NRXN1: variants seen among roughly 807,000 people sequenced by gnomAD.
NRXN1 encodes the protein neurexin 1, also known as neurexin-1.
Under a neutral mutation model 150.9 loss-of-function variants are expected in NRXN1, and 39 were observed. The observed-to-expected ratio is 0.26, with a 90% CI of 0.20 to 0.34. NRXN1 has a LOEUF of 0.34. NRXN1 is among the 10% of genes least tolerant of loss of function. The pLI is 1.00. For synonymous variants in NRXN1, 924 were observed against 757.0 expected, an observed-to-expected ratio of 1.22 and a Z score of -3.62; for missense variants, 1,815 against 1,949.9, an observed-to-expected ratio of 0.93 and a Z score of 1.30.
At chr2:50,471,815 T>C (rs897914783) in intron 16 of NRXN1, among the ~76,000 whole-genome samples, 1 of 151,710 alleles carries the variant, frequency 6.6e-6, no homozygotes, top group Non-Finnish European at 1.5e-5. Flanking sequence ...AAATCATCTG[T>C]ACAAAAAACC....
At chr2:50,926,016 CTGGACCTTGCCT>C in intron 2 of NRXN1, 61 bp from the exon 3 acceptor site, 2 of 1,378,134 alleles carry the variant, frequency 1.5e-6, no homozygotes, top group South Asian at 2.5e-5. Flanking sequence ...AGCATGCAGA[CTGGACCTTGCCT>C]TTGCATGTCT....
chr2:50,789,292 C>A (rs891735449), intron 5 of NRXN1, among the ~76,000 whole-genome samples: 15 of 152,136 alleles, frequency 9.9e-5, no homozygotes, highest in African/African-American at 3.6e-4. Flanking sequence ...AATGCTCAAA[C>A]GGCTTCCTTC....
intron 5 of NRXN1, among the ~76,000 whole-genome samples, chr2:50,853,514 T>C (rs927259782): frequency 2.6e-5 from 4 of 152,138 alleles, no homozygotes; most frequent in African/African-American, 9.6e-5. Flanking sequence ...AAATTATTTG[T>C]CAGATGTCTT....
At chr2:50,898,426 T>C (rs1682359825) in intron 5 of NRXN1, among the ~76,000 whole-genome samples, 1 of 152,198 alleles carries the variant, frequency 6.6e-6, no homozygotes, top group African/African-American at 2.4e-5. Context: ...ATGTCTAACA[T>C]GTCTAATCTT....
chr2:51,026,845 C>A (rs560911861), intron 2 of NRXN1, among the ~76,000 whole-genome samples: 8 of 152,292 alleles, frequency 5.3e-5, no homozygotes, highest in Non-Finnish European at 1.0e-4. Context: ...ACAGTGGAAA[C>A]CAACATTATT....
chr2:50,359,566 T>C (rs901097799), intron 17 of NRXN1, among the ~76,000 whole-genome samples: 2 of 151,338 alleles, frequency 1.3e-5, no homozygotes, highest in South Asian at 2.1e-4. Context: ...GAAAAAAGAA[T>C]GAAAAGGAAC....
At chr2:50,960,823 C>T (rs1258833265) in intron 2 of NRXN1, among the ~76,000 whole-genome samples, 4 of 151,818 alleles carry the variant, frequency 2.6e-5, no homozygotes, top group Admixed American at 1.3e-4. Context: ...AAAAAGCAAA[C>T]ATACATCAAA....
chr2:50,237,429 A>G (rs1349111888), intron 17 of NRXN1, among the ~76,000 whole-genome samples: 1 of 152,050 alleles, frequency 6.6e-6, no homozygotes, highest in African/African-American at 2.4e-5. Context: ...CAAATGTGCT[A>G]GGAATGTAAC....
At chr2:50,785,203 C>T (rs1290770292) in intron 5 of NRXN1, among the ~76,000 whole-genome samples, 1 of 150,326 alleles carries the variant, frequency 6.7e-6, no homozygotes, top group Admixed American at 6.7e-5. Flanking sequence ...GCTGGTACCT[C>T]GATCGTGGAT....
In NRXN1 at chr2:50,106,141, ATAATT is replaced by A. The variant is rs569037150; in HGVS notation, c.3547-14652_3547-14648del. Among the ~76,000 whole-genome samples the A allele has an allele frequency of 1.9e-4, 29 of 152,094 alleles. No homozygotes were observed. The South Asian group carries it at 5.2e-3, about 27-fold the overall frequency. ...CATGTATATTTCAAGTTTTCTACTTATAATTTGTAATTATTTAAATTGTTTTATTT... is the reference window on the plus strand; with the variant it reads ...CATGTATATTTCAAGTTTTCTACTTATGTAATTATTTAAATTGTTTTATTT... On this transcript the variant is annotated intron_variant, in intron 18 of 22. Coordinates refer to ENST00000401669, the MANE Select transcript of NRXN1 (RefSeq NM_001330078.2).
chr2:50,439,650 A>T (rs999700840), intron 17 of NRXN1, among the ~76,000 whole-genome samples: 6 of 151,926 alleles, frequency 3.9e-5, no homozygotes, highest in Admixed American at 3.3e-4. Context: ...ACTAAAAAAA[A>T]AATAAAAATA....
At chr2:49,974,269 C>A in intron 21 of NRXN1, 2 of 600,182 alleles carry the variant, frequency 3.3e-6, no homozygotes, top group South Asian at 1.7e-5. Context: ...AGGGATGCTG[C>A]AGTTCCGTCT....
At chr2:50,375,634 A>T (rs2153024012) in intron 17 of NRXN1, among the ~76,000 whole-genome samples, 1 of 151,346 alleles carries the variant, frequency 6.6e-6, no homozygotes, top group East Asian at 2.0e-4. Context: ...GCTTGCTTAT[A>T]GAAAATGTAG....
chr2:50,566,353 C>T (rs1378585875), intron 8 of NRXN1, among the ~76,000 whole-genome samples: 1 of 151,968 alleles, frequency 6.6e-6, no homozygotes, highest in Non-Finnish European at 1.5e-5. Context: ...AAGAGATTCT[C>T]ATGCCTCAGC....
Position 50,687,700 on chromosome 2 carries a change from AAATTT to A in NRXN1, c.833-64090_833-64086del, listed in dbSNP as rs369545303. ...TATTTTGAATATGCAGAGGCTTTTT[AAATTT>A]AATTTTAGATTGGGCAACCGCGTTA... On this transcript the variant is annotated intron_variant, in intron 5 of 22. Coordinates refer to ENST00000401669, the MANE Select transcript of NRXN1 (RefSeq NM_001330078.2). Among the ~76,000 whole-genome samples the A allele has an allele frequency of 1.1e-3, 164 of 152,348 alleles. 2 individuals are homozygous for A. The highest frequency in any genetic ancestry group is 3.8e-3 in the African/African-American group (158 of 41,588).
chr2:50,319,726 A>C (rs1170278129), intron 17 of NRXN1, among the ~76,000 whole-genome samples: 1 of 152,078 alleles, frequency 6.6e-6, no homozygotes, highest in African/African-American at 2.4e-5. Context: ...GTGGCACCGT[A>C]GCACCTCAAA....
At chr2:49,992,696 A>C (rs1192750785) in intron 21 of NRXN1, among the ~76,000 whole-genome samples, 3 of 152,202 alleles carry the variant, frequency 2.0e-5, no homozygotes, top group African/African-American at 7.2e-5. Context: ...CTGTGATCCA[A>C]AATATACAAA....
intron 2 of NRXN1, among the ~76,000 whole-genome samples, chr2:50,983,104 T>C (rs1697107011): frequency 6.6e-6 from 1 of 152,104 alleles, no homozygotes; most frequent in African/African-American, 2.4e-5. Flanking sequence ...ACATTAGAAG[T>C]TCACATTTCC....
chr2:49,992,483 G>A (rs1682166315), intron 21 of NRXN1, among the ~76,000 whole-genome samples: 1 of 152,090 alleles, frequency 6.6e-6, no homozygotes, highest in Non-Finnish European at 1.5e-5. Flanking sequence ...GGGAGGCTGA[G>A]GCAGGGAAAT....
Sources: allele counts gnomAD v4.1 joint callset (sites outside exome capture counted in the v4.1 genomes callset), GRCh38; gene constraint gnomAD v4.1.1; transcripts MANE v1.5; gene names NCBI Gene and HGNC (gene_info 2026-07-23, HGNC 2026-07-21).